MON2: variants seen among roughly 807,000 people sequenced by gnomAD.
MON2 encodes protein MON2 homolog.
Under a neutral mutation model 208.6 loss-of-function variants are expected in MON2, and 84 were observed. That is an observed-to-expected ratio of 0.40 (90% CI 0.34 to 0.48). MON2 has a LOEUF of 0.48. MON2 is among the 20% of genes least tolerant of loss of function. The probability of loss-of-function intolerance (pLI) is 0.59; values close to 1 mark genes in which losing one functional copy is unlikely to be tolerated. For synonymous variants in MON2, 660 were observed against 694.0 expected, an observed-to-expected ratio of 0.95 and a Z score of 0.77; for missense variants, 1,611 against 2,015.4, an observed-to-expected ratio of 0.80 and a Z score of 3.84.
intron 1 of MON2, among the ~76,000 whole-genome samples, chr12:62,483,670 C>T (rs1241489930): frequency 6.6e-6 from 1 of 152,096 alleles, no homozygotes; most frequent in Non-Finnish European, 1.5e-5. Context: ...GAGCCAAGAT[C>T]GTGCCATTGG....
At chr12:62,580,471 ACTGT>A (rs941443393) in intron 32 of MON2, 51 bp downstream of exon 32, 3 of 1,462,828 alleles carry the variant, frequency 2.1e-6, no homozygotes, top group Non-Finnish European at 2.8e-6. Context: ...TTTTGAAGAA[ACTGT>A]CAGTAGAAAT....
intron 33 of MON2, among the ~76,000 whole-genome samples, chr12:62,586,712 T>C (rs983051871): frequency 2.6e-5 from 4 of 152,160 alleles, no homozygotes; most frequent in African/African-American, 4.8e-5. Flanking sequence ...TGATTGAAAA[T>C]TGATTTCTGA....
chr12:62,514,095 T>C (rs1031523900), intron 8 of MON2, among the ~76,000 whole-genome samples: 4 of 152,136 alleles, frequency 2.6e-5, no homozygotes, highest in African/African-American at 7.2e-5. Context: ...GAGTCACCTT[T>C]ACTCCAGTTC....
intron 8 of MON2, among the ~76,000 whole-genome samples, chr12:62,515,986 T>C (rs1242930042): frequency 6.6e-6 from 1 of 152,222 alleles, no homozygotes; most frequent in African/African-American, 2.4e-5. Flanking sequence ...ATTGCAGCAC[T>C]ATTCATGATT....
At chr12:62,473,058 G>A (rs992183075) in intron 1 of MON2, among the ~76,000 whole-genome samples, 20 of 152,080 alleles carry the variant, frequency 1.3e-4, no homozygotes, top group African/African-American at 4.6e-4. Context: ...GAAGTAGAAG[G>A]TTTTGCTGTT....
In MON2 at chr12:62,549,668, A is replaced by G; in HGVS notation, c.2754A>G (p.Gly918=). The G allele has an allele frequency of 6.3e-7, 1 of 1,584,438 alleles. No homozygotes were observed. The highest frequency in any genetic ancestry group is 8.5e-7 in the Non-Finnish European group (1 of 1,171,114). ...GVMGAIRNDQ[G]ESLIRTAFQC... ...CTGTATACATTTCTTTTGTTTTCAGAGAATCCTTGATACGAACTGCATTCC... is the reference window on the plus strand; with the variant it reads ...CTGTATACATTTCTTTTGTTTTCAGGGAATCCTTGATACGAACTGCATTCC... Residue 918 remains glycine (G), a splice_region_variant and synonymous_variant, in exon 23 of 35, where the codon GGA becomes GGG. Coordinates refer to ENST00000393630, the MANE Select transcript of MON2 (RefSeq NM_015026.3).
In MON2 at chr12:62,466,950, T is replaced by G; in HGVS notation, c.-258T>G. 1 of 507,086 alleles carries G rather than the reference T, an allele frequency of 2.0e-6. No individual in the cohort carries two copies. Among genetic ancestry groups the G allele is most frequent in the Non-Finnish European group, 3.5e-6 (1 of 285,780 alleles). 31.4% of individuals were successfully genotyped at this position (507,086 alleles called of 1,614,324 possible). On this transcript the variant is annotated 5_prime_UTR_variant, in exon 1 of 35. Coordinates refer to ENST00000393630, the MANE Select transcript of MON2 (RefSeq NM_015026.3). ...CGGCAGCGGAGGGACCTGCCCGCCT[T>G]GTGGGTTTCTCGGCCAGAGTCGGCG...
intron 11 of MON2, among the ~76,000 whole-genome samples, chr12:62,528,406 A>C (rs12371458): frequency 0.27 from 40,990 of 152,016 alleles, 5,568 homozygotes; most frequent in Middle Eastern, 0.35. Context: ...TACACTACAG[A>C]TCCCTTCAAA....
Position 62,585,295 on chromosome 12 carries a change from A to C in MON2, c.4701A>C (p.Glu1567Asp), listed in dbSNP as rs1212510466. 6.2e-7 allele frequency: 1 copy of C among 1,610,486 alleles called. No homozygotes were observed. Among genetic ancestry groups the C allele is most frequent in the South Asian group, 1.1e-5 (1 of 90,904 alleles). Residue 1567 changes from glutamate to aspartate, a missense_variant and splice_region_variant, in exon 33 of 35, where the codon GAA becomes GAC. Transcript: ENST00000393630. ...SIHSQSSSFT[E>D]AEIDIRLREE... ...CATCAAAATTTGTTAATTTTACAGA[A>C]GCAGAGATTGATATTCGTTTGAGAG...
At chr12:62,557,928 T>TTATATATATATATATATATA (rs71086609) in intron 25 of MON2, among the ~76,000 whole-genome samples, 4 of 46,134 alleles carry the variant, frequency 8.7e-5, no homozygotes, top group African/African-American at 1.9e-4. Flanking sequence ...ACGAATAGAT[T>TTATATATATATATATATATA]TATATATATA....
Position 62,571,588 on chromosome 12 carries a change from C to T in MON2, c.4514+6C>T, listed in dbSNP as rs767658263. 7.5e-6 allele frequency: 12 copies of T among 1,591,280 alleles called. No individual in the cohort carries two copies. In the East Asian group the frequency reaches 2.5e-4, roughly 33 times the overall value. On this transcript the variant is annotated splice_donor_region_variant and intron_variant, in intron 30 of 34. Transcript: ENST00000393630. ...GATTTTCTCTTTACTAAAAGGTCAG[C>T]TCATTCATTTTTAAAATTAAGACAA...
At chr12:62,469,813 T>G (rs993505809) in intron 1 of MON2, among the ~76,000 whole-genome samples, 1 of 152,068 alleles carries the variant, frequency 6.6e-6, no homozygotes, top group African/African-American at 2.4e-5. Context: ...ACAGAGACAT[T>G]TTATATTTAG....
intron 30 of MON2, among the ~76,000 whole-genome samples, chr12:62,576,359 G>A (rs754611158): frequency 6.6e-6 from 1 of 151,862 alleles, no homozygotes; most frequent in Admixed American, 6.6e-5. Context: ...GATCTTTTTG[G>A]GGGGGTGATC....
chr12:62,555,323 A>ATG (rs1345733132), intron 24 of MON2, among the ~76,000 whole-genome samples: 7 of 151,446 alleles, frequency 4.6e-5, no homozygotes, highest in African/African-American at 1.7e-4. Context: ...GGGACTACAG[A>ATG]TGTATAACAC....
At position 62,525,146 on chromosome 12, in the gene MON2, A is replaced by G; in HGVS notation, c.1172A>G (p.Asn391Ser). ...ACCAAGGTTTTTCGTGATATTGTAA[A>G]TGCACTGGGATCTTTTATACAGTCC... ...HSTKVFRDIV[N>S]ALGSFIQSLF... The change falls in exon 10 of 35, where the codon AAT becomes AGT. Residue 391 changes from asparagine to serine, a missense_variant. Physicochemically the swap from Asn to Ser is conservative, Grantham distance 46. Transcript: ENST00000393630. 1.2e-6 allele frequency: 2 copies of G among 1,612,152 alleles called. No homozygotes were observed. Among genetic ancestry groups the G allele is most frequent in the Non-Finnish European group, 8.5e-7 (1 of 1,178,314 alleles).
At chr12:62,592,218 T>C (rs1367675218) in intron 34 of MON2, among the ~76,000 whole-genome samples, 1 of 152,220 alleles carries the variant, frequency 6.6e-6, no homozygotes, top group Non-Finnish European at 1.5e-5. Flanking sequence ...ACTGAAAAAG[T>C]TATTTTCTAA....
At chr12:62,590,897 C>T (rs1022956310) in intron 34 of MON2, among the ~76,000 whole-genome samples, 3 of 152,096 alleles carry the variant, frequency 2.0e-5, no homozygotes, top group Admixed American at 1.3e-4. Flanking sequence ...TCAGGTGATC[C>T]ACCCGCCTTG....
intron 1 of MON2, among the ~76,000 whole-genome samples, chr12:62,480,991 A>C (rs1380874503): frequency 5.9e-5 from 9 of 152,186 alleles, no homozygotes; most frequent in Non-Finnish European, 1.3e-4. Flanking sequence ...GATCCAAGAT[A>C]ATTTGAGATG....
intron 25 of MON2, 84 bp downstream of exon 25, chr12:62,556,276 T>C: frequency 7.8e-7 from 1 of 1,281,806 alleles, no homozygotes. Context: ...TTAGAGTCTA[T>C]CTTAACTTAG....
Sources: gnomAD v4.1 joint callset for allele counts (sites outside exome capture counted in the v4.1 genomes callset) on GRCh38, gnomAD v4.1.1 for gene constraint, MANE v1.5 for transcripts, NCBI Gene and HGNC (gene_info 2026-07-23, HGNC 2026-07-21) for gene names.